USP30: variants seen among roughly 807,000 people sequenced by gnomAD.
USP30 encodes the protein ubiquitin carboxyl-terminal hydrolase 30.
Under a neutral mutation model 68.2 loss-of-function variants are expected in USP30, and 41 were observed. That is an observed-to-expected ratio of 0.60 (90% CI 0.47 to 0.78). The LOEUF (loss-of-function observed/expected upper bound fraction) is 0.78, where lower values mean the gene tolerates loss of function less well. USP30 is among the 30% of genes least tolerant of loss of function. The pLI is 0.00. For synonymous variants in USP30, 229 were observed against 253.7 expected (o/e 0.90, Z 0.93); for missense variants, 522 against 649.4 (o/e 0.80, Z 2.13).
At chr12:109,026,861 G>A (rs2040448807) in intron 2 of USP30, among the ~76,000 whole-genome samples, 1 of 152,144 alleles carries the variant, frequency 6.6e-6, no homozygotes, top group Non-Finnish European at 1.5e-5. Context: ...TTCCCAGCTT[G>A]CAGATGGCCA....
chr12:109,047,677 C>T (rs1002783616), upstream of USP30: 3 of 152,208 alleles, frequency 2.0e-5, no homozygotes, highest in Non-Finnish European at 4.4e-5. Flanking sequence ...TCCTCTGGGC[C>T]AGCCCTCTCC....
chr12:109,044,784 T>C (rs1049076215), intron 3 of USP30, among the ~76,000 whole-genome samples: 1 of 152,188 alleles, frequency 6.6e-6, no homozygotes. Context: ...TGTCACTGAG[T>C]ATGCAGATTT....
rs1323696710 is a variant in USP30 at position 109,084,973 on chromosome 12, C to T, written c.1189C>T (p.Pro397Ser). 6.2e-7 allele frequency: 1 copy of T among 1,601,328 alleles called. No homozygotes were observed. Among genetic ancestry groups the T allele is most frequent in the Non-Finnish European group, 8.5e-7 (1 of 1,172,582 alleles). The change falls in exon 12 of 13, where the codon CCC becomes TCC. Residue 397 changes from proline (P) to serine (S), a missense_variant. Transcript: ENST00000257548. ...TGCAGTTCTGAATCAGCCAGGGGCC[C>T]CCAAAACACAGATTTTTATGAATGG... ...PTPVLNQPGAPKTQIFMNGAC... is the reference protein window; with the variant it reads ...PTPVLNQPGASKTQIFMNGAC...
intron 3 of USP30, among the ~76,000 whole-genome samples, chr12:109,045,708 T>A (rs1029600687): frequency 2.6e-5 from 4 of 152,174 alleles, no homozygotes; most frequent in African/African-American, 9.7e-5. Flanking sequence ...TGGGGTCTTG[T>A]CGGTAACAAG....
chr12:109,078,006 TG>T (rs1280833424), intron 7 of USP30, among the ~76,000 whole-genome samples: 1 of 152,228 alleles, frequency 6.6e-6, no homozygotes, highest in Admixed American at 6.5e-5. Flanking sequence ...TCATAGTTTT[TG>T]CTTTAAAGAG....
rs137991609 is a variant in USP30, at chr12:109,037,503, T to A, written c.-136+9947T>A. Among the ~76,000 whole-genome samples the A allele has an allele frequency of 2.1e-3, 321 of 152,314 alleles. 1 individual carries two copies. Among genetic ancestry groups the A allele is most frequent in the African/African-American group, 7.0e-3 (291 of 41,574 alleles). Reference sequence around the variant, plus strand: ...ACATGTGTCATTATTTTTTATTGAATGCTGAGCATTTTATATAATATAATA... The same window carrying A: ...ACATGTGTCATTATTTTTTATTGAAAGCTGAGCATTTTATATAATATAATA... On this transcript the variant is annotated intron_variant, in intron 3 of 15. Transcript: ENST00000392784.
chr12:109,027,325 T>C (rs2040452045), intron 2 of USP30: 1 of 152,050 alleles, frequency 6.6e-6, no homozygotes, highest in Admixed American at 6.6e-5. Flanking sequence ...GCTGTCCAGG[T>C]TGACGTGCAG....
chr12:109,082,164 T>C (rs1312333888), intron 9 of USP30, 145 bp downstream of exon 9: 2 of 812,628 alleles, frequency 2.5e-6, no homozygotes, highest in Non-Finnish European at 4.0e-6. Context: ...GGTTTGGACA[T>C]TGGCAGCTCA....
intron 3 of USP30, among the ~76,000 whole-genome samples, chr12:109,039,825 G>A (rs930199118): frequency 1.3e-5 from 2 of 152,166 alleles, no homozygotes; most frequent in Admixed American, 6.5e-5. Context: ...TGGCCAGGAT[G>A]ATCTCGATCT....
Position 109,073,519 on chromosome 12 carries a change from A to G in USP30, c.707A>G (p.His236Arg), listed in dbSNP as rs1379253469. The stretch of plus-strand genomic sequence containing the variant: ...CTCACTAGTAATATGGTCTGCAAAC[A>G]CTGTGAACACCAGGTAAATACAATA... ...GRLTSNMVCK[H>R]CEHQSPVRFD... The change falls in exon 7 of 13, where the codon CAC becomes CGC. Residue 236 changes from histidine to arginine, a missense_variant. Coordinates refer to ENST00000257548, the MANE Select transcript of USP30 (RefSeq NM_032663.5). The G allele has an allele frequency of 6.2e-7, 1 of 1,612,536 alleles. No individual in the cohort carries two copies. The highest frequency in any genetic ancestry group is 1.1e-5 in the South Asian group (1 of 91,034).
intron 3 of USP30, among the ~76,000 whole-genome samples, chr12:109,062,571 G>A (rs983672000): frequency 5.3e-5 from 8 of 151,538 alleles, no homozygotes; most frequent in Admixed American, 3.3e-4. Flanking sequence ...CTCGTGATCC[G>A]CCCGCCTTGG....
intron 5 of USP30, 120 bp downstream of exon 5, chr12:109,071,830 G>A: frequency 1.1e-6 from 1 of 936,942 alleles, no homozygotes; most frequent in Non-Finnish European, 1.6e-6. Flanking sequence ...ATCAGTGGTG[G>A]GAATGAGGCC....
intron 3 of USP30, among the ~76,000 whole-genome samples, chr12:109,031,567 T>A (rs2040481150): frequency 6.6e-6 from 1 of 152,204 alleles, no homozygotes; most frequent in Non-Finnish European, 1.5e-5. Context: ...ATAGCAGCAT[T>A]ATTCACAATA....
At chr12:109,049,799 G>C (rs925161908), upstream of USP30, among the ~76,000 whole-genome samples, 2 of 151,920 alleles carry the variant, frequency 1.3e-5, no homozygotes, top group Admixed American at 1.3e-4. Flanking sequence ...CTGCATGACA[G>C]AGTGAGGCAT....
chr12:109,041,506 G>A (rs527632545), intron 3 of USP30, among the ~76,000 whole-genome samples: 27 of 152,028 alleles, frequency 1.8e-4, no homozygotes, highest in Admixed American at 3.3e-4. Context: ...ATGGTGGTGC[G>A]TGCCTGTTGT....
intron 12 of USP30, 92 bp from the exon 13 acceptor site, chr12:109,085,575 A>T (rs2041923377): frequency 1.4e-6 from 2 of 1,466,592 alleles, no homozygotes; most frequent in South Asian, 1.3e-5. Flanking sequence ...CATTGTATTC[A>T]TCCCCTATTT....
intron 7 of USP30, among the ~76,000 whole-genome samples, chr12:109,079,351 CTTT>C (rs71079521): frequency 3.0e-3 from 148 of 48,664 alleles, no homozygotes; most frequent in African/African-American, 4.1e-3. Context: ...TTTTTTTTTT[CTTT>C]TTTTTTTTTT....
chr12:109,082,152 T>C, intron 9 of USP30, 133 bp downstream of exon 9: 6 of 950,176 alleles, frequency 6.3e-6, no homozygotes, highest in Non-Finnish European at 8.2e-6. Context: ...TCTCCCTAAT[T>C]TGGTTTGGAC....
chr12:109,039,857 C>A (rs2040550850), intron 3 of USP30, among the ~76,000 whole-genome samples: 1 of 152,160 alleles, frequency 6.6e-6, no homozygotes, highest in Non-Finnish European at 1.5e-5. Flanking sequence ...GATCTGCCTG[C>A]CTTGGCCTCC....
Sources: allele counts gnomAD v4.1 joint callset (sites outside exome capture counted in the v4.1 genomes callset), GRCh38; gene constraint gnomAD v4.1.1; transcripts MANE v1.5; gene names NCBI Gene and HGNC (gene_info 2026-07-23, HGNC 2026-07-21).